PRIM2: variants seen among roughly 807,000 people sequenced by gnomAD.
PRIM2 encodes the protein DNA primase subunit 2.
Under a neutral mutation model 67.3 loss-of-function variants are expected in PRIM2, and 39 were observed. The observed-to-expected ratio is 0.58, with a 90% CI of 0.45 to 0.76. The LOEUF (loss-of-function observed/expected upper bound fraction) is 0.76, where lower values mean the gene tolerates loss of function less well. Ranked by LOEUF, PRIM2 falls within the 30% of genes least tolerant of loss-of-function variation. The pLI is 0.00. For synonymous variants in PRIM2, 143 were observed against 198.7 expected (o/e 0.72, Z 2.36); for missense variants, 398 against 598.7 (o/e 0.66, Z 3.50).
At chr6:57,619,486 G>A (rs1366332380) in intron 12 of PRIM2, among the ~76,000 whole-genome samples, 1 of 152,178 alleles carries the variant, frequency 6.6e-6, no homozygotes, top group Non-Finnish European at 1.5e-5. Context: ...ACCAGGGAAA[G>A]GCAAAGCCCA....
At chr6:57,585,303 T>G (rs1776169148) in intron 10 of PRIM2, among the ~76,000 whole-genome samples, 3 of 152,230 alleles carry the variant, frequency 2.0e-5, no homozygotes, top group African/African-American at 7.2e-5. Flanking sequence ...ATTGAGTGCT[T>G]ACTATTTTTT....
At chr6:57,302,433 T>C in the PRIM2 span, among the ~76,000 whole-genome samples, 1 of 152,176 alleles carries the variant, frequency 6.6e-6, no homozygotes, top group East Asian at 1.9e-4. Context: ...GGTTGTTGAG[T>C]CTTAAATTGT....
At position 57,524,018 on chromosome 6, in the gene PRIM2, C is replaced by T. The variant is rs1554349139; in HGVS notation, c.762-8393C>T. Among the ~76,000 whole-genome samples the T allele has an allele frequency of 5.3e-5, 8 of 151,904 alleles. No homozygotes were observed. The East Asian group carries it at 9.7e-4, about 18-fold the overall frequency. On this transcript the variant is annotated intron_variant, in intron 8 of 13. Coordinates refer to ENST00000615550, the MANE Select transcript of PRIM2 (RefSeq NM_000947.5). ...TGGTATTTTTGCTCTGTACATTAGACGTTTGTGAGACAGTATTTGGGGGAA... is the reference window on the plus strand; with the variant it reads ...TGGTATTTTTGCTCTGTACATTAGATGTTTGTGAGACAGTATTTGGGGGAA...
chr6:57,471,467 G>C (rs1773336025), intron 7 of PRIM2, among the ~76,000 whole-genome samples: 1 of 152,152 alleles, frequency 6.6e-6, no homozygotes, highest in Non-Finnish European at 1.5e-5. Flanking sequence ...AGTTAAAGGA[G>C]AGGAGGAAGT....
At chr6:57,315,754 ACTT>A (rs1182415504), upstream of PRIM2, among the ~76,000 whole-genome samples, 1 of 152,122 alleles carries the variant, frequency 6.6e-6, no homozygotes, top group Non-Finnish European at 1.5e-5. Context: ...AGTGCAAAAT[ACTT>A]CTGTGAATTT....
At chr6:57,305,361 C>T in the PRIM2 span, among the ~76,000 whole-genome samples, 25 of 152,152 alleles carry the variant, frequency 1.6e-4, no homozygotes, top group South Asian at 4.1e-4. Context: ...TCAGTTCAGC[C>T]GACAGCTTTG....
At chr6:57,492,093 A>G (rs1554346012) in intron 7 of PRIM2, among the ~76,000 whole-genome samples, 1 of 152,210 alleles carries the variant, frequency 6.6e-6, no homozygotes, top group Non-Finnish European at 1.5e-5. Context: ...GGGGCGTGTC[A>G]GAGGTTGTCC....
intron 10 of PRIM2, among the ~76,000 whole-genome samples, chr6:57,556,080 TAAC>T (rs1775508733): frequency 6.6e-6 from 1 of 152,246 alleles, no homozygotes; most frequent in Non-Finnish European, 1.5e-5. Flanking sequence ...GGAATACAGC[TAAC>T]AAGAGAGGGG....
intron 10 of PRIM2, among the ~76,000 whole-genome samples, chr6:57,560,508 C>A (rs1201225578): frequency 7.3e-5 from 11 of 151,578 alleles, no homozygotes. Context: ...ATGGTGAATT[C>A]TTTCCAGGTT....
chr6:57,362,910 A>G (rs534974316), intron 5 of PRIM2, among the ~76,000 whole-genome samples: 1 of 152,332 alleles, frequency 6.6e-6, no homozygotes, highest in South Asian at 2.1e-4. Flanking sequence ...TGCAAATTTC[A>G]AAGACTTGAT....
At chr6:57,371,327 T>C (rs968066626) in intron 5 of PRIM2, among the ~76,000 whole-genome samples, 1 of 152,106 alleles carries the variant, frequency 6.6e-6, no homozygotes, top group East Asian at 1.9e-4. Context: ...AATACTTGAA[T>C]TTAGGGAAAG....
At chr6:57,440,184 G>A (rs1264715625) in intron 7 of PRIM2, among the ~76,000 whole-genome samples, 3 of 151,072 alleles carry the variant, frequency 2.0e-5, no homozygotes, top group Admixed American at 6.6e-5. Flanking sequence ...TTTATTTTTA[G>A]GAGGACCTTT....
At chr6:57,557,724 A>C (rs1330517716) in intron 10 of PRIM2, among the ~76,000 whole-genome samples, 6 of 151,998 alleles carry the variant, frequency 3.9e-5, no homozygotes, top group Admixed American at 3.3e-4. Context: ...CTATGATGTG[A>C]GTTTACCTAT....
intron 7 of PRIM2, chr6:57,382,438 T>C (rs1769996468): frequency 3.6e-6 from 1 of 277,408 alleles, no homozygotes; most frequent in African/African-American, 2.2e-5. Flanking sequence ...GGTTTCTTCA[T>C]GGTCATGTCT....
At chr6:57,265,510 G>T in the PRIM2 span, among the ~76,000 whole-genome samples, 1 of 152,206 alleles carries the variant, frequency 6.6e-6, no homozygotes, top group South Asian at 2.1e-4. Flanking sequence ...CATACACTTT[G>T]GTTTACGGTA....
chr6:57,612,068 A>T (rs1367974965), intron 12 of PRIM2, among the ~76,000 whole-genome samples: 99 of 152,254 alleles, frequency 6.5e-4, no homozygotes, highest in African/African-American at 1.3e-3. Context: ...GGTCTAATTT[A>T]AAAAAATCTA....
the PRIM2 span, among the ~76,000 whole-genome samples, chr6:57,247,621 C>T: frequency 2.0e-5 from 3 of 152,218 alleles, no homozygotes; most frequent in South Asian, 4.1e-4. Context: ...TGCAAATGTT[C>T]TCTATGTGGT....
intron 7 of PRIM2, among the ~76,000 whole-genome samples, chr6:57,454,882 T>A (rs1772705124): frequency 1.3e-5 from 2 of 152,216 alleles, no homozygotes; most frequent in African/African-American, 4.8e-5. Flanking sequence ...GATGTTAGGG[T>A]GTCAATTTTA....
chr6:57,287,200 C>G, the PRIM2 span, among the ~76,000 whole-genome samples: 1 of 152,130 alleles, frequency 6.6e-6, no homozygotes, highest in Non-Finnish European at 1.5e-5. Flanking sequence ...GACAGTGTGG[C>G]GATTCCTGAA....
Sources: gnomAD v4.1 joint callset for allele counts (sites outside exome capture counted in the v4.1 genomes callset) on GRCh38, gnomAD v4.1.1 for gene constraint, MANE v1.5 for transcripts, NCBI Gene and HGNC (gene_info 2026-07-23, HGNC 2026-07-21) for gene names.